LRRC8C: variants seen among roughly 807,000 people sequenced by gnomAD.
LRRC8C encodes leucine rich repeat containing 8 VRAC subunit C, also known as volume-regulated anion channel subunit LRRC8C.
A neutral mutation model predicts 55.3 loss-of-function variants in LRRC8C; 20 were observed. That is an observed-to-expected ratio of 0.36 (90% CI 0.25 to 0.53). The LOEUF is 0.53. LRRC8C is among the 20% of genes least tolerant of loss of function. LRRC8C has a pLI of 0.92. For synonymous variants in LRRC8C, 376 were observed against 360.7 expected (o/e 1.04, Z -0.48); for missense variants, 659 against 951.4 (o/e 0.69, Z 4.04).
chr1:89,692,872 A>G (rs1366906402), intron 2 of LRRC8C, among the ~76,000 whole-genome samples: 1 of 152,202 alleles, frequency 6.6e-6, no homozygotes, highest in African/African-American at 2.4e-5. Flanking sequence ...CTTCCTGGAA[A>G]AATAAGATTG....
At chr1:89,655,497 T>G (rs1656918590) in intron 1 of LRRC8C, among the ~76,000 whole-genome samples, 2 of 152,244 alleles carry the variant, frequency 1.3e-5, no homozygotes, top group South Asian at 4.1e-4. Flanking sequence ...TAGTTTGTTT[T>G]GTGCTGCTAT....
intron 1 of LRRC8C, among the ~76,000 whole-genome samples, chr1:89,683,393 T>C (rs1171497591): frequency 2.7e-5 from 4 of 150,664 alleles, no homozygotes; most frequent in Non-Finnish European, 4.4e-5. Context: ...GGAGTCTCGC[T>C]CTCCACCAGG....
chr1:89,653,955 C>T (rs115908471), intron 1 of LRRC8C, among the ~76,000 whole-genome samples: 1,557 of 152,168 alleles, frequency 0.01, 23 homozygotes, highest in African/African-American at 0.035. Flanking sequence ...CAGCATCATT[C>T]GTAACAGCAA....
upstream of LRRC8C, chr1:89,629,719 C>CTGGAGAGGCTCCCAGACTCTGTAG (rs1656056934): frequency 6.6e-6 from 1 of 152,180 alleles, no homozygotes; most frequent in Non-Finnish European, 1.5e-5. Context: ...CAGCCCTGCC[C>CTGGAGAGGCTCCCAGACTCTGTAG]TGGAGAGGCT....
At chr1:89,670,155 T>A (rs1657376272) in intron 1 of LRRC8C, among the ~76,000 whole-genome samples, 1 of 152,210 alleles carries the variant, frequency 6.6e-6, no homozygotes, top group Non-Finnish European at 1.5e-5. Context: ...TTATATCAGC[T>A]TAGTTCTTAT....
intron 1 of LRRC8C, among the ~76,000 whole-genome samples, chr1:89,669,658 A>G (rs1252139159): frequency 1.3e-5 from 2 of 152,202 alleles, no homozygotes; most frequent in African/African-American, 4.8e-5. Context: ...CAGAAGGATT[A>G]AGTAAGTTTC....
chr1:89,709,676 C>A (rs1401247476), intron 2 of LRRC8C, among the ~76,000 whole-genome samples: 1 of 151,396 alleles, frequency 6.6e-6, no homozygotes, highest in Admixed American at 6.6e-5. Context: ...TTTTTACCTT[C>A]TATTTAATCT....
chr1:89,618,173 T>C, the LRRC8C span, among the ~76,000 whole-genome samples: 11 of 152,228 alleles, frequency 7.2e-5, no homozygotes, highest in Non-Finnish European at 1.3e-4. Flanking sequence ...CCATGGTTGG[T>C]CTTTCTGGTA....
intron 2 of LRRC8C, among the ~76,000 whole-genome samples, chr1:89,698,640 A>G (rs530069805): frequency 2.0e-4 from 30 of 152,304 alleles, no homozygotes; most frequent in Admixed American, 1.1e-3. Context: ...GAGAAAATCC[A>G]TAAGTTCAGA....
intron 1 of LRRC8C, among the ~76,000 whole-genome samples, chr1:89,679,958 A>G (rs956239920): frequency 3.9e-5 from 6 of 152,236 alleles, no homozygotes; most frequent in African/African-American, 1.4e-4. Context: ...ATTCTGGGAT[A>G]TTAATTCTAG....
chr1:89,644,892 A>G (rs1656571783), intron 1 of LRRC8C, among the ~76,000 whole-genome samples: 1 of 152,210 alleles, frequency 6.6e-6, no homozygotes, highest in Non-Finnish European at 1.5e-5. Flanking sequence ...TAGTTTCAGT[A>G]TAACCGAGTC....
chr1:89,639,623 TTC>T (rs1479988747), intron 1 of LRRC8C, among the ~76,000 whole-genome samples: 2 of 152,266 alleles, frequency 1.3e-5, no homozygotes, highest in Non-Finnish European at 2.9e-5. Flanking sequence ...TCCACATATT[TTC>T]TCTGTTTGAT....
At chr1:89,711,440 T>G (rs1658646129) in intron 2 of LRRC8C, among the ~76,000 whole-genome samples, 1 of 152,236 alleles carries the variant, frequency 6.6e-6, no homozygotes, top group African/African-American at 2.4e-5. Context: ...TCACTAAACA[T>G]TGTGGATTTT....
At chr1:89,660,398 C>G (rs936906957) in intron 1 of LRRC8C, among the ~76,000 whole-genome samples, 3 of 152,082 alleles carry the variant, frequency 2.0e-5, no homozygotes, top group Non-Finnish European at 4.4e-5. Flanking sequence ...AAACAAAAAC[C>G]TCATGCCTGG....
At chr1:89,647,422 C>G (rs1380804573) in intron 1 of LRRC8C, among the ~76,000 whole-genome samples, 3 of 152,108 alleles carry the variant, frequency 2.0e-5, no homozygotes, top group Non-Finnish European at 4.4e-5. Context: ...ATAACTGTAT[C>G]AGAAAGTACA....
intron 2 of LRRC8C, among the ~76,000 whole-genome samples, chr1:89,695,914 G>GA (rs1321172420): frequency 3.3e-5 from 5 of 151,940 alleles, no homozygotes; most frequent in Admixed American, 6.6e-5. Flanking sequence ...GTTTTATTGT[G>GA]AAAAAAATGG....
intron 2 of LRRC8C, among the ~76,000 whole-genome samples, chr1:89,706,817 G>C (rs1225663113): frequency 6.6e-6 from 1 of 152,098 alleles, no homozygotes. Context: ...AAGAAATTCA[G>C]CTTATTTCAT....
intron 2 of LRRC8C, among the ~76,000 whole-genome samples, chr1:89,702,462 C>T (rs1208628293): frequency 6.6e-6 from 1 of 152,076 alleles, no homozygotes; most frequent in East Asian, 1.9e-4. Context: ...GGGCCGGGTA[C>T]CGTGGTGAAC....
intron 1 of LRRC8C, among the ~76,000 whole-genome samples, chr1:89,643,987 C>T (rs1398669447): frequency 6.6e-6 from 1 of 152,036 alleles, no homozygotes; most frequent in Non-Finnish European, 1.5e-5. Context: ...AAAAGATAAC[C>T]TACAAATGCA....
Sources: gnomAD v4.1 joint callset for allele counts (sites outside exome capture counted in the v4.1 genomes callset) on GRCh38, gnomAD v4.1.1 for gene constraint, MANE v1.5 for transcripts, NCBI Gene and HGNC (gene_info 2026-07-23, HGNC 2026-07-21) for gene names.